TYW1: variants seen among roughly 807,000 people sequenced by gnomAD.
The protein encoded by TYW1 is S-adenosyl-L-methionine-dependent tRNA 4-demethylwyosine synthase TYW1.
In TYW1, 46 loss-of-function variants were observed where a neutral mutation model predicts 96.2. That is an observed-to-expected ratio of 0.48 (90% CI 0.38 to 0.61). TYW1 has a LOEUF of 0.61. TYW1 is among the 20% of genes least tolerant of loss of function. TYW1 has a pLI of 0.00. For synonymous variants in TYW1, 274 were observed against 323.0 expected, an observed-to-expected ratio of 0.85 and a Z score of 1.63; for missense variants, 684 against 909.6, an observed-to-expected ratio of 0.75 and a Z score of 3.19.
At position 67,075,205 on chromosome 7, in the gene TYW1, T is replaced by C. The variant is rs1266252735; in HGVS notation, c.1274+7802T>C. On this transcript the variant is annotated intron_variant, in intron 10 of 15. Coordinates refer to ENST00000359626, the MANE Select transcript of TYW1 (RefSeq NM_018264.4). ...GATATATTGGGTATTTTTATGTATG[T>C]ATAGATACCACATATTTACCATTGT... Among the ~76,000 whole-genome samples the C allele has an allele frequency of 8.5e-5, 13 of 152,356 alleles. No individual in the cohort carries two copies. The East Asian group carries it at 2.5e-3, about 29-fold the overall frequency.
intron 15 of TYW1, among the ~76,000 whole-genome samples, chr7:67,225,460 C>T (rs1433629531): frequency 6.6e-6 from 1 of 152,120 alleles, no homozygotes; most frequent in African/African-American, 2.4e-5. Flanking sequence ...GCACTGATCA[C>T]AGGGACCTCC....
intron 6 of TYW1, among the ~76,000 whole-genome samples, chr7:67,024,465 C>T (rs1184102555): frequency 6.6e-6 from 1 of 151,948 alleles, no homozygotes; most frequent in East Asian, 1.9e-4. Context: ...CCATGCCCAG[C>T]CTAGATTTTA....
At chr7:67,178,000 A>AG (rs1314006182) in intron 13 of TYW1, among the ~76,000 whole-genome samples, 1 of 132,430 alleles carries the variant, frequency 7.6e-6, no homozygotes, top group Non-Finnish European at 1.6e-5. Flanking sequence ...CAGAAAAAAA[A>AG]AAAGAAAAAA....
At chr7:67,078,469 G>A (rs1022178603) in intron 10 of TYW1, among the ~76,000 whole-genome samples, 1 of 152,210 alleles carries the variant, frequency 6.6e-6, no homozygotes, top group Middle Eastern at 3.4e-3. Context: ...TTGGCTATTT[G>A]GGGATTTTAA....
intron 1 of TYW1, 103 bp downstream of exon 1, chr7:66,997,085 G>A: frequency 6.3e-7 from 1 of 1,582,032 alleles, no homozygotes. Context: ...CTTTCCTTCG[G>A]AGACTGTTGC....
At chr7:67,087,133 C>T (rs1402972430) in intron 11 of TYW1, among the ~76,000 whole-genome samples, 4 of 152,044 alleles carry the variant, frequency 2.6e-5, no homozygotes, top group Non-Finnish European at 2.9e-5. Context: ...CTGACAGGAG[C>T]GTTTTTGCAA....
intron 13 of TYW1, among the ~76,000 whole-genome samples, chr7:67,118,403 T>G (rs996646669): frequency 1.3e-5 from 2 of 152,146 alleles, no homozygotes; most frequent in Non-Finnish European, 2.9e-5. Context: ...TCCTGTATAC[T>G]TTAAATCATC....
intron 13 of TYW1, among the ~76,000 whole-genome samples, chr7:67,138,606 C>T (rs1352162327): frequency 6.6e-6 from 1 of 152,004 alleles, no homozygotes; most frequent in Non-Finnish European, 1.5e-5. Context: ...ATTAACCATC[C>T]CACCTTCCTC....
intron 15 of TYW1, among the ~76,000 whole-genome samples, chr7:67,236,454 AGGT>A (rs1801894405): frequency 6.6e-6 from 1 of 152,198 alleles, no homozygotes; most frequent in African/African-American, 2.4e-5. Context: ...GAATCGATGG[AGGT>A]GGTGTGAGCG....
intron 12 of TYW1, among the ~76,000 whole-genome samples, chr7:67,113,191 T>C (rs957553282): frequency 1.3e-5 from 2 of 151,936 alleles, no homozygotes; most frequent in African/African-American, 4.8e-5. Context: ...CCTCCATTTA[T>C]ACCCATTACA....
chr7:67,216,094 C>T (rs564367928), intron 15 of TYW1, among the ~76,000 whole-genome samples: 2 of 151,792 alleles, frequency 1.3e-5, no homozygotes, highest in East Asian at 3.9e-4. Flanking sequence ...CCTTTCTGTA[C>T]TGTCCTTATC....
chr7:67,012,549 A>G (rs769546995), intron 4 of TYW1, among the ~76,000 whole-genome samples: 1 of 152,188 alleles, frequency 6.6e-6, no homozygotes, highest in Non-Finnish European at 1.5e-5. Context: ...GATATTACTT[A>G]TAACTTACCT....
chr7:67,069,993 T>C (rs918488432), intron 10 of TYW1, among the ~76,000 whole-genome samples: 2 of 152,262 alleles, frequency 1.3e-5, no homozygotes, highest in Admixed American at 6.5e-5. Context: ...AAGAATTGTT[T>C]TGTTAGATAT....
At chr7:67,238,230 T>A in intron 15 of TYW1, 78 bp from the exon 16 acceptor site, 1 of 1,578,230 alleles carries the variant, frequency 6.3e-7, no homozygotes, top group Non-Finnish European at 8.6e-7. Context: ...ATCAGACTTG[T>A]TCATGATTTT....
At chr7:67,162,295 CAG>C (rs1472435828) in intron 13 of TYW1, among the ~76,000 whole-genome samples, 1 of 125,046 alleles carries the variant, frequency 8.0e-6, no homozygotes, top group African/African-American at 3.0e-5. Flanking sequence ...GCCTGGGTGA[CAG>C]AGCAAGACTC....
intron 7 of TYW1, among the ~76,000 whole-genome samples, chr7:67,042,564 A>G (rs1270764244): frequency 6.6e-6 from 1 of 152,174 alleles, no homozygotes; most frequent in African/African-American, 2.4e-5. Context: ...AAGATGGGGT[A>G]GGATCCTAGA....
intron 15 of TYW1, among the ~76,000 whole-genome samples, chr7:67,237,985 T>A (rs1271186833): frequency 6.6e-6 from 1 of 152,070 alleles, no homozygotes; most frequent in Non-Finnish European, 1.5e-5. Context: ...GGAATTAGAA[T>A]GAGTTTGAAT....
intron 7 of TYW1, among the ~76,000 whole-genome samples, chr7:67,036,334 A>G (rs1339622951): frequency 6.6e-6 from 1 of 152,076 alleles, no homozygotes; most frequent in Non-Finnish European, 1.5e-5. Context: ...CAGACGTTCC[A>G]TAGCGCTCCT....
At chr7:67,097,311 A>G (rs1256845524) in intron 11 of TYW1, among the ~76,000 whole-genome samples, 1 of 152,258 alleles carries the variant, frequency 6.6e-6, no homozygotes, top group African/African-American at 2.4e-5. Flanking sequence ...ATACGTAACA[A>G]CCATCTGAGA....
Sources: allele counts gnomAD v4.1 joint callset (sites outside exome capture counted in the v4.1 genomes callset), GRCh38; gene constraint gnomAD v4.1.1; transcripts MANE v1.5; gene names NCBI Gene and HGNC (gene_info 2026-07-23, HGNC 2026-07-21).